Variants in FSTL4 observed in about 807,000 individuals in gnomAD.
The protein encoded by FSTL4 is follistatin-related protein 4.
In FSTL4, 28 loss-of-function variants were observed where a neutral mutation model predicts 78.2. The observed-to-expected ratio is 0.36, with a 90% CI of 0.27 to 0.49. The LOEUF (loss-of-function observed/expected upper bound fraction) is 0.49. Among genes scored for constraint, FSTL4 ranks in the 20% least tolerant of loss-of-function variants. The pLI is 0.98. For synonymous variants in FSTL4, 422 were observed against 440.5 expected (o/e 0.96, Z 0.53); for missense variants, 922 against 1,084.9 (o/e 0.85, Z 2.11).
At chr5:133,203,014 C>G (rs555924636) in intron 14 of FSTL4, among the ~76,000 whole-genome samples, 1 of 152,328 alleles carries the variant, frequency 6.6e-6, no homozygotes, top group African/African-American at 2.4e-5. Context: ...TGGGCAGCCC[C>G]TCTGTCAGCT....
At chr5:133,408,334 T>C (rs376527365) in intron 3 of FSTL4, among the ~76,000 whole-genome samples, 192 of 152,146 alleles carry the variant, frequency 1.3e-3, no homozygotes, top group Middle Eastern at 3.4e-3. Context: ...AGGTCTCTCA[T>C]CTCTTTCTTC....
chr5:133,803,179 TCAAA>T, the FSTL4 span, among the ~76,000 whole-genome samples: 1 of 152,100 alleles, frequency 6.6e-6, no homozygotes, highest in African/African-American at 2.4e-5. Flanking sequence ...ACTTTGTGAG[TCAAA>T]CAACCTTTTC....
the FSTL4 span, among the ~76,000 whole-genome samples, chr5:133,795,975 C>T: frequency 5.9e-5 from 9 of 152,210 alleles, no homozygotes; most frequent in Admixed American, 5.9e-4. Context: ...TGCTCAGTGT[C>T]CAACGTCCCT....
At chr5:133,243,676 A>G (rs1407779554) in intron 7 of FSTL4, 1 of 152,260 alleles carries the variant, frequency 6.6e-6, no homozygotes, top group East Asian at 1.9e-4. Flanking sequence ...CACGTGCCTC[A>G]TGGGGCAGGG....
chr5:133,253,865 G>A (rs1169960981), intron 6 of FSTL4, among the ~76,000 whole-genome samples: 2 of 152,182 alleles, frequency 1.3e-5, no homozygotes, highest in African/African-American at 4.8e-5. Context: ...ATTTACCACT[G>A]TGCCAGCTGG....
At chr5:133,557,618 C>T (rs187050623) in intron 3 of FSTL4, among the ~76,000 whole-genome samples, 17 of 152,314 alleles carry the variant, frequency 1.1e-4, no homozygotes, top group Admixed American at 3.9e-4. Flanking sequence ...TTGTGGGATA[C>T]ACTGGACTAG....
chr5:133,242,630 C>T (rs1751911299), intron 7 of FSTL4, among the ~76,000 whole-genome samples: 3 of 152,112 alleles, frequency 2.0e-5, no homozygotes, highest in South Asian at 2.1e-4. Context: ...AGAGTCACCC[C>T]ACAGGTTCCA....
chr5:133,329,101 T>C (rs1424243583), intron 4 of FSTL4, among the ~76,000 whole-genome samples: 1 of 152,222 alleles, frequency 6.6e-6, no homozygotes, highest in African/African-American at 2.4e-5. Context: ...GGCTCCAGAC[T>C]GAGGCTGATG....
chr5:133,642,345 T>C, the FSTL4 span, among the ~76,000 whole-genome samples: 7 of 152,180 alleles, frequency 4.6e-5, no homozygotes, highest in Non-Finnish European at 1.0e-4. Context: ...ACTGGGGTTT[T>C]CTCATCAGTG....
At position 133,414,757 on chromosome 5, in the gene FSTL4, C is replaced by T. The variant is rs530043093; in HGVS notation, c.161-13771G>A. ...AAATACCGGGGTATTATTTTCAACA[C>T]GGCACCATTTAGCCCTTTGGAGAAG... On this transcript the variant is annotated intron_variant, in intron 3 of 15. Transcript: ENST00000265342. Among the ~76,000 whole-genome samples the T allele has an allele frequency of 1.2e-4, 18 of 152,302 alleles. No individual in the cohort carries two copies. In the South Asian group the frequency reaches 3.1e-3, roughly 26 times the overall value.
At chr5:133,232,142 G>A (rs1050423026) in intron 8 of FSTL4, among the ~76,000 whole-genome samples, 12 of 152,194 alleles carry the variant, frequency 7.9e-5, no homozygotes, top group Non-Finnish European at 1.6e-4. Flanking sequence ...AATGCAAGAG[G>A]TTTACCCAAA....
At chr5:133,279,838 T>C (rs1752971284) in intron 6 of FSTL4, among the ~76,000 whole-genome samples, 1 of 152,254 alleles carries the variant, frequency 6.6e-6, no homozygotes, top group South Asian at 2.1e-4. Flanking sequence ...GATCTTGAGA[T>C]GAAATCATCC....
At chr5:133,712,470 G>A in the FSTL4 span, among the ~76,000 whole-genome samples, 1 of 152,140 alleles carries the variant, frequency 6.6e-6, no homozygotes, top group Non-Finnish European at 1.5e-5. Context: ...TTCAAATCCT[G>A]GTCCCAGCTC....
intron 13 of FSTL4, among the ~76,000 whole-genome samples, chr5:133,213,171 T>A (rs1340609805): frequency 6.6e-6 from 1 of 152,148 alleles, no homozygotes; most frequent in Non-Finnish European, 1.5e-5. Flanking sequence ...CCCAGCTAAT[T>A]TTTGTATTTT....
intron 3 of FSTL4, among the ~76,000 whole-genome samples, chr5:133,526,166 C>A (rs1381436581): frequency 6.6e-6 from 1 of 152,172 alleles, no homozygotes; most frequent in Non-Finnish European, 1.5e-5. Context: ...ATTGGACATA[C>A]TAAATGCCAT....
chr5:133,518,315 T>C (rs1758905739), intron 3 of FSTL4, among the ~76,000 whole-genome samples: 1 of 151,592 alleles, frequency 6.6e-6, no homozygotes, highest in African/African-American at 2.4e-5. Context: ...AATACATCAA[T>C]AGAAAAAAGA....
At chr5:133,397,612 T>TC (rs1205904489) in intron 4 of FSTL4, among the ~76,000 whole-genome samples, 2 of 152,084 alleles carry the variant, frequency 1.3e-5, no homozygotes, top group East Asian at 3.9e-4. Flanking sequence ...AGGCTATGTG[T>TC]CCCCCCACCA....
chr5:133,572,203 TG>T (rs1377183526), intron 2 of FSTL4, among the ~76,000 whole-genome samples: 1 of 152,090 alleles, frequency 6.6e-6, no homozygotes, highest in Non-Finnish European at 1.5e-5. Context: ...CAACAGTAAG[TG>T]GGATAGCTGA....
intron 4 of FSTL4, among the ~76,000 whole-genome samples, chr5:133,371,531 C>A (rs189656068): frequency 2.0e-5 from 3 of 152,326 alleles, no homozygotes; most frequent in Admixed American, 6.5e-5. Context: ...AGTGTCCCTA[C>A]AGGGCCTCCA....
Sources: allele counts gnomAD v4.1 joint callset (sites outside exome capture counted in the v4.1 genomes callset), GRCh38; gene constraint gnomAD v4.1.1; transcripts MANE v1.5; gene names NCBI Gene and HGNC (gene_info 2026-07-23, HGNC 2026-07-21).